LUC7L3: variants seen among roughly 807,000 people sequenced by gnomAD.
LUC7L3 encodes the protein LUC7 like 3 pre-mRNA splicing factor.
LUC7L3 carries 6 observed loss-of-function variants against 66.8 expected under a neutral mutation model. The ratio of observed to expected loss-of-function variants is 0.09; its 90% CI spans 0.05 to 0.18. The LOEUF (loss-of-function observed/expected upper bound fraction) is 0.18. LUC7L3 is among the 10% of genes least tolerant of loss of function. The pLI, the probability that LUC7L3 is intolerant of heterozygous loss-of-function variation, is 1.00. For missense variants in LUC7L3, 341 were observed against 531.1 expected, an observed-to-expected ratio of 0.64 and a Z score of 3.52; for synonymous variants, 160 against 174.7, an observed-to-expected ratio of 0.92 and a Z score of 0.66.
At chr17:50,749,413 G>A (rs1020532201) in intron 9 of LUC7L3, 37 of 1,195,492 alleles carry the variant, frequency 3.1e-5, no homozygotes, top group Non-Finnish European at 3.7e-5. Flanking sequence ...CAAGTCTTGC[G>A]CTTAACTACT....
rs149481569 is a variant in LUC7L3, at chr17:50,750,618, C to A, written c.1256C>A (p.Thr419Asn). 6.8e-6 allele frequency: 11 copies of A among 1,613,994 alleles called. 1 individual carries two copies. The highest frequency in any genetic ancestry group is 3.3e-4 in the Middle Eastern group (2 of 6,062). ...GATACTAAGAATGAGGTCAATGGGA[C>A]CAGTGAAGACATTAAATCTGAAGGT... ...ESDTKNEVNG[T>N]SEDIKSEGDT... The change falls in exon 10 of 10, where the codon ACC becomes AAC. Residue 419 changes from threonine to asparagine, a missense_variant. Coordinates refer to ENST00000505658, the MANE Select transcript of LUC7L3 (RefSeq NM_016424.5).
chr17:50,740,432 G>GCAA, intron 3 of LUC7L3, 87 bp downstream of exon 3: 1 of 1,257,292 alleles, frequency 8.0e-7, no homozygotes, highest in Non-Finnish European at 1.1e-6. Context: ...GCAATTAAAT[G>GCAA]TAAAATGAGT....
chr17:50,743,321 C>T (rs1029480081), intron 5 of LUC7L3, among the ~76,000 whole-genome samples: 3 of 152,134 alleles, frequency 2.0e-5, no homozygotes, highest in African/African-American at 7.2e-5. Context: ...GCCTCAGTCT[C>T]CCCAGTAGCT....
In LUC7L3 at chr17:50,751,559, G is replaced by T; in HGVS notation, c.*898G>T. 1 of 1,155,682 alleles carries T rather than the reference G, an allele frequency of 8.7e-7. No individual in the cohort carries two copies. Among genetic ancestry groups the T allele is most frequent in the Non-Finnish European group, 1.1e-6 (1 of 924,168 alleles). The allele number at this position is 1,155,682 out of a possible 1,614,324, so 71.6% of individuals were successfully genotyped here. Reference sequence around the variant, plus strand: ...TTTTTCAACTGTATGTAGGGCTGCAGTGGTGGCCAGAATTAGATATCTTTA... The same window carrying T: ...TTTTTCAACTGTATGTAGGGCTGCATTGGTGGCCAGAATTAGATATCTTTA... On this transcript the variant is annotated 3_prime_UTR_variant, in exon 10 of 10. Transcript: ENST00000505658.
At chr17:50,737,895 G>A (rs562405806) in intron 2 of LUC7L3, among the ~76,000 whole-genome samples, 2 of 152,214 alleles carry the variant, frequency 1.3e-5, no homozygotes, top group South Asian at 2.1e-4. Flanking sequence ...CTCAAGGATG[G>A]TACATAACCA....
At position 50,751,566 on chromosome 17, in the gene LUC7L3, C is replaced by T; in HGVS notation, c.*905C>T. 8.8e-7 allele frequency: 1 copy of T among 1,141,276 alleles called. No individual in the cohort carries two copies. Among genetic ancestry groups the T allele is most frequent in the Non-Finnish European group, 1.1e-6 (1 of 916,052 alleles). The allele number at this position is 1,141,276 out of a possible 1,614,324, so 70.7% of individuals were successfully genotyped here. A position where few individuals can be genotyped will look rare whatever the true frequency, so the allele number is the denominator to read the frequency against. On this transcript the variant is annotated 3_prime_UTR_variant, in exon 10 of 10. Coordinates refer to ENST00000505658, the MANE Select transcript of LUC7L3 (RefSeq NM_016424.5). Reference sequence around the variant, plus strand: ...ACTGTATGTAGGGCTGCAGTGGTGGCCAGAATTAGATATCTTTAAAGAATT... The same window carrying T: ...ACTGTATGTAGGGCTGCAGTGGTGGTCAGAATTAGATATCTTTAAAGAATT...
At chr17:50,727,362 A>C (rs548031236) in intron 1 of LUC7L3, among the ~76,000 whole-genome samples, 1 of 152,334 alleles carries the variant, frequency 6.6e-6, no homozygotes, top group East Asian at 1.9e-4. Context: ...GCTTCCACTC[A>C]TGGCAGAAGG....
Position 50,755,134 on chromosome 17 carries a change from C to A in LUC7L3, c.*4473C>A, listed in dbSNP as rs1017705458. 3 of 152,044 alleles carry A rather than the reference C, an allele frequency of 2.0e-5. No individual in the cohort carries two copies. Among genetic ancestry groups the A allele is most frequent in the African/African-American group, 4.8e-5 (2 of 41,386 alleles). 9.4% of individuals were successfully genotyped at this position (152,044 alleles called of 1,614,324 possible). A position where few individuals can be genotyped will look rare whatever the true frequency, so the allele number is the denominator to read the frequency against. On this transcript the variant is annotated 3_prime_UTR_variant, in exon 10 of 10. Coordinates refer to ENST00000505658, the MANE Select transcript of LUC7L3 (RefSeq NM_016424.5). ...GATTTTTTAGTTGTTTGTGAAAGAA[C>A]CCCAGGTCTACTTTTGAAATTTTGT...
chr17:50,749,306 A>G (rs1244624739), intron 9 of LUC7L3: 1 of 1,289,288 alleles, frequency 7.8e-7, no homozygotes, highest in Non-Finnish European at 1.0e-6. Context: ...TGTGCACCGG[A>G]GAAGCCCATA....
At chr17:50,724,152 C>T in intron 1 of LUC7L3, 1 of 265,424 alleles carries the variant, frequency 3.8e-6, no homozygotes, top group South Asian at 2.9e-5. Context: ...GTATCCCTTC[C>T]ATTATTTTGA....
chr17:50,728,872 C>T (rs1969378479), intron 1 of LUC7L3, among the ~76,000 whole-genome samples: 2 of 149,904 alleles, frequency 1.3e-5, no homozygotes, highest in Admixed American at 6.8e-5. Flanking sequence ...TTTTTTTTAA[C>T]CAATAAAATT....
chr17:50,724,061 T>G (rs1383830220), intron 1 of LUC7L3: 4 of 412,816 alleles, frequency 9.7e-6, no homozygotes. Flanking sequence ...AGAATTAGAG[T>G]GAATAGTATA....
intron 9 of LUC7L3, among the ~76,000 whole-genome samples, chr17:50,747,840 C>T (rs1970773493): frequency 6.6e-6 from 1 of 152,142 alleles, no homozygotes; most frequent in South Asian, 2.1e-4. Flanking sequence ...TGTCTTCCTG[C>T]CAGATGTGCT....
intron 9 of LUC7L3, chr17:50,749,127 C>CA: frequency 1.0e-6 from 1 of 977,400 alleles, no homozygotes; most frequent in Non-Finnish European, 1.4e-6. Context: ...CTCTCTTTGT[C>CA]AAGAGAGTTT....
rs202123412 is a variant in LUC7L3 at position 50,736,934 on chromosome 17, T to A, written c.100-26T>A. 2.9e-4 allele frequency: 446 copies of A among 1,524,634 alleles called. No homozygotes were observed. The African/African-American group carries it at 5.2e-3, about 18-fold the overall frequency. The allele number at this position is 1,524,634 out of a possible 1,614,324, so 94.4% of individuals were successfully genotyped here. A position where few individuals can be genotyped will look rare whatever the true frequency, so the allele number is the denominator to read the frequency against. ...AAAGTTTTAAAACCAAGCAATTTTT[T>A]AAGTACCTTTGTTTTTCTTTACTAG... On this transcript the variant is annotated intron_variant, in intron 1 of 9. Transcript: ENST00000505658.
chr17:50,720,288 G>C (rs1373549470), intron 1 of LUC7L3, among the ~76,000 whole-genome samples: 1 of 152,196 alleles, frequency 6.6e-6, no homozygotes, highest in South Asian at 2.1e-4. Flanking sequence ...GCTTATACGG[G>C]GAAATAGAAA....
intron 6 of LUC7L3, 138 bp downstream of exon 6, chr17:50,743,948 C>T: frequency 1.6e-6 from 1 of 639,218 alleles, no homozygotes; most frequent in Admixed American, 3.0e-5. Flanking sequence ...TCTGTGGCAT[C>T]TACTAAGCTC....
Position 50,744,518 on chromosome 17 carries a change from C to T in LUC7L3, c.532-134C>T, listed in dbSNP as rs551786077. On this transcript the variant is annotated intron_variant, in intron 6 of 9. Coordinates refer to ENST00000505658, the MANE Select transcript of LUC7L3 (RefSeq NM_016424.5). Reference sequence around the variant, plus strand: ...TCTCTAAAAGTTGACCACTTGTAGTCCAATATTACTGATTTGGGGAAATGG... The same window carrying T: ...TCTCTAAAAGTTGACCACTTGTAGTTCAATATTACTGATTTGGGGAAATGG... The T allele has an allele frequency of 1.4e-4, 108 of 769,936 alleles. No individual in the cohort carries two copies. The African/African-American group carries it at 1.7e-3, about 12-fold the overall frequency. The allele number at this position is 769,936 out of a possible 1,614,324, so 47.7% of individuals were successfully genotyped here.
chr17:50,736,536 T>A (rs886753834), intron 1 of LUC7L3: 1 of 161,936 alleles, frequency 6.2e-6, no homozygotes, highest in Non-Finnish European at 1.3e-5. Context: ...GGTGCCAAAT[T>A]GCTTTAAATG....
Sources: allele counts gnomAD v4.1 joint callset (sites outside exome capture counted in the v4.1 genomes callset), GRCh38; gene constraint gnomAD v4.1.1; transcripts MANE v1.5; gene names NCBI Gene and HGNC (gene_info 2026-07-23, HGNC 2026-07-21).